The following CDH4 variants were observed in gnomAD, a reference collection of about 807,000 sequenced individuals.
CDH4 encodes the protein cadherin 4, also known as cadherin-4.
In CDH4, 33 loss-of-function variants were observed where a neutral mutation model predicts 86.0. The ratio of observed to expected loss-of-function variants is 0.38; its 90% CI spans 0.29 to 0.51. CDH4 has a LOEUF of 0.51. Ranked by LOEUF, CDH4 falls within the 20% of genes least tolerant of loss-of-function variation. The pLI is 0.86. For synonymous variants in CDH4, 555 were observed against 549.4 expected (o/e 1.01, Z -0.14); for missense variants, 1,114 against 1,307.4 (o/e 0.85, Z 2.28).
At chr20:61,733,195 G>A (rs944248) in intron 2 of CDH4, among the ~76,000 whole-genome samples, 102,161 of 151,964 alleles carry the variant, frequency 0.67, 35,132 homozygotes, top group African/African-American at 0.81. Context: ...ATGTCGTTTA[G>A]GAGGGTCTTT....
intron 2 of CDH4, among the ~76,000 whole-genome samples, chr20:61,412,155 G>C (rs1473316990): frequency 6.6e-6 from 1 of 152,232 alleles, no homozygotes; most frequent in East Asian, 1.9e-4. Flanking sequence ...AGATCATGGT[G>C]GGTAGAGCAG....
chr20:61,379,592 C>A (rs2084889290), intron 2 of CDH4, among the ~76,000 whole-genome samples: 1 of 152,066 alleles, frequency 6.6e-6, no homozygotes, highest in African/African-American at 2.4e-5. Flanking sequence ...TCTGCCTCAC[C>A]CCTATTGTCC....
chr20:61,872,295 G>A (rs1983838967), intron 6 of CDH4, among the ~76,000 whole-genome samples: 1 of 152,178 alleles, frequency 6.6e-6, no homozygotes, highest in South Asian at 2.1e-4. Flanking sequence ...CAATGCAGGT[G>A]AGATGAGGAT....
chr20:61,742,620 A>T (rs1267519017), intron 2 of CDH4, among the ~76,000 whole-genome samples: 1 of 152,198 alleles, frequency 6.6e-6, no homozygotes, highest in Non-Finnish European at 1.5e-5. Context: ...AGTTAACTTT[A>T]TCCGTGGCTT....
At chr20:61,871,326 A>C (rs1345521210) in intron 6 of CDH4, among the ~76,000 whole-genome samples, 1 of 152,144 alleles carries the variant, frequency 6.6e-6, no homozygotes, top group Non-Finnish European at 1.5e-5. Context: ...TCCAGCTTCC[A>C]TCGTTCCTGT....
chr20:61,886,123 G>T lies in CDH4; in HGVS notation c.1051-8787G>T, dbSNP rs544387385. 5.9e-5 allele frequency among the ~76,000 whole-genome samples: 9 copies of T among 152,344 alleles called. No individual in the cohort carries two copies. In the South Asian group the frequency reaches 1.7e-3, roughly 28 times the overall value. On this transcript the variant is annotated intron_variant, in intron 7 of 15. Coordinates refer to ENST00000614565, the MANE Select transcript of CDH4 (RefSeq NM_001794.5). ...TAGGTGCAGAGAGCCCAGAGCAGGT[G>T]GGGGAGGCGTGCTTGCAGCCTGGCA...
At chr20:61,560,632 G>C (rs146211110) in intron 2 of CDH4, among the ~76,000 whole-genome samples, 1 of 152,232 alleles carries the variant, frequency 6.6e-6, no homozygotes, top group African/African-American at 2.4e-5. Flanking sequence ...AGCCCCACCC[G>C]CGGGGCCCTG....
intron 4 of CDH4, among the ~76,000 whole-genome samples, chr20:61,801,269 G>A (rs1206770896): frequency 6.6e-6 from 1 of 152,170 alleles, no homozygotes; most frequent in Non-Finnish European, 1.5e-5. Context: ...CATTGGGGGA[G>A]TGGGGTCAGG....
Position 61,940,302 on chromosome 20 carries a change from G to A in CDH4, c.*3359G>A, listed in dbSNP as rs2055248481. On this transcript the variant is annotated 3_prime_UTR_variant, in exon 16 of 16. Coordinates refer to ENST00000614565, the MANE Select transcript of CDH4 (RefSeq NM_001794.5). ...TTTGAAATGGGCAAAATGTGTAGCA[G>A]CCTGCATGAGCACAGTTGTTTTGGG... 6.6e-6 allele frequency: 1 copy of A among 152,140 alleles called. No homozygotes were observed. The highest frequency in any genetic ancestry group is 2.1e-4 in the South Asian group (1 of 4,830). 9.4% of individuals were successfully genotyped at this position (152,140 alleles called of 1,614,324 possible).
At chr20:61,443,420 G>A (rs2085324414) in intron 2 of CDH4, among the ~76,000 whole-genome samples, 1 of 152,226 alleles carries the variant, frequency 6.6e-6, no homozygotes, top group South Asian at 2.1e-4. Context: ...TACCGGCAGT[G>A]AAGACACTTC....
At chr20:61,643,070 G>C (rs1324469332) in intron 2 of CDH4, among the ~76,000 whole-genome samples, 1 of 152,208 alleles carries the variant, frequency 6.6e-6, no homozygotes, top group Non-Finnish European at 1.5e-5. Context: ...CTGAGACTGG[G>C]AAATTTATAA....
At chr20:61,853,055 C>T (rs986986099) in intron 6 of CDH4, among the ~76,000 whole-genome samples, 157 bp downstream of exon 6, 1 of 152,218 alleles carries the variant, frequency 6.6e-6, no homozygotes, top group Non-Finnish European at 1.5e-5. Context: ...TCCACCAAAG[C>T]CCCTGCTCTC....
intron 2 of CDH4, among the ~76,000 whole-genome samples, chr20:61,347,166 G>C (rs932603206): frequency 6.6e-6 from 1 of 152,222 alleles, no homozygotes; most frequent in Admixed American, 6.5e-5. Context: ...CCTGACCTCT[G>C]TGGGAGACCA....
chr20:61,427,330 G>A (rs144413738), intron 2 of CDH4, among the ~76,000 whole-genome samples: 41 of 152,294 alleles, frequency 2.7e-4, no homozygotes, highest in African/African-American at 8.7e-4. Context: ...CAAGGTGGAA[G>A]ATGATGTGTC....
chr20:61,334,667 C>A lies in CDH4; in HGVS notation c.169+79730C>A, dbSNP rs1328006328. 3.3e-5 allele frequency among the ~76,000 whole-genome samples: 5 copies of A among 152,228 alleles called. No homozygotes were observed. In the East Asian group the frequency reaches 9.6e-4, roughly 29 times the overall value. ...CTCCCAAAGGTCCCGCCTCTTTGTG[C>A]CACCACGCTGGGGCTGGGTTTCAAC... On this transcript the variant is annotated intron_variant, in intron 2 of 15. Transcript: ENST00000614565.
chr20:61,669,149 G>A (rs947235505), intron 2 of CDH4, among the ~76,000 whole-genome samples: 5 of 152,234 alleles, frequency 3.3e-5, no homozygotes, highest in African/African-American at 9.6e-5. Context: ...GGCACACCTC[G>A]GGGCAATAAT....
chr20:61,660,546 G>T (rs1266681562), intron 2 of CDH4, among the ~76,000 whole-genome samples: 1 of 152,192 alleles, frequency 6.6e-6, no homozygotes, highest in Non-Finnish European at 1.5e-5. Flanking sequence ...TTACATGTGG[G>T]TGCGCCTGAC....
At chr20:61,341,061 C>T (rs6071587) in intron 2 of CDH4, among the ~76,000 whole-genome samples, 90,623 of 152,080 alleles carry the variant, frequency 0.6, 27,573 homozygotes, top group African/African-American at 0.74. Flanking sequence ...AACCCTTCCT[C>T]ACCTCCTTCC....
chr20:61,314,386 G>A (rs1298694997), intron 2 of CDH4, among the ~76,000 whole-genome samples: 1 of 152,174 alleles, frequency 6.6e-6, no homozygotes. Flanking sequence ...TCTGGGCCTG[G>A]CTTGTTTTAT....
Sources: gnomAD v4.1 joint callset for allele counts (sites outside exome capture counted in the v4.1 genomes callset) on GRCh38, gnomAD v4.1.1 for gene constraint, MANE v1.5 for transcripts, NCBI Gene and HGNC (gene_info 2026-07-23, HGNC 2026-07-21) for gene names.